Variants in ENPP1 observed in about 807,000 individuals in gnomAD.
ENPP1 encodes the protein ectonucleotide pyrophosphatase/phosphodiesterase family member 1.
ENPP1 carries 73 observed loss-of-function variants against 122.8 expected under a neutral mutation model. The ratio of observed to expected loss-of-function variants is 0.59; its 90% CI spans 0.49 to 0.72. The LOEUF is 0.72. Ranked by LOEUF, ENPP1 falls within the 30% of genes least tolerant of loss-of-function variation. The pLI, the probability that ENPP1 is intolerant of heterozygous loss-of-function variation, is 0.00. For synonymous variants in ENPP1, 367 were observed against 391.6 expected (o/e 0.94, Z 0.74); for missense variants, 978 against 1,128.1 (o/e 0.87, Z 1.91).
intron 11 of ENPP1, 99 bp from the exon 12 acceptor site, chr6:131,867,911 CTTTCTTTG>C (rs1782110482): frequency 2.8e-5 from 22 of 795,598 alleles, no homozygotes; most frequent in Non-Finnish European, 4.0e-5. Flanking sequence ...GTCTTTCTTT[CTTTCTTTG>C]TTTCTTTCTT....
intron 1 of ENPP1, among the ~76,000 whole-genome samples, chr6:131,817,302 G>A (rs1243677130): frequency 2.0e-5 from 3 of 152,198 alleles, no homozygotes; most frequent in African/African-American, 7.2e-5. Flanking sequence ...GCCTGCTTCA[G>A]TATAACAATG....
rs761550283 is a variant in ENPP1, at chr6:131,854,911, T to C, written c.618-15T>C. 23 of 1,589,342 alleles carry C rather than the reference T, an allele frequency of 1.4e-5. No individual in the cohort carries two copies. The South Asian group carries it at 2.5e-4, about 18-fold the overall frequency. On this transcript the variant is annotated splice_polypyrimidine_tract_variant and intron_variant, in intron 5 of 24. Transcript: ENST00000647893. ...TTGCTTCTTTAAACATTTTTTTTTCTTTTTCATTACCCAGGTTTGAAACGC... is the reference window on the plus strand; with the variant it reads ...TTGCTTCTTTAAACATTTTTTTTTCCTTTTCATTACCCAGGTTTGAAACGC...
At chr6:131,863,598 G>A (rs1179038855) in intron 9 of ENPP1, among the ~76,000 whole-genome samples, 2 of 151,980 alleles carry the variant, frequency 1.3e-5, no homozygotes, top group Admixed American at 6.6e-5. Flanking sequence ...ATTTGCCACT[G>A]TTTTTATTCC....
At chr6:131,831,269 C>G (rs1467911948) in intron 1 of ENPP1, among the ~76,000 whole-genome samples, 1 of 151,080 alleles carries the variant, frequency 6.6e-6, no homozygotes, top group Non-Finnish European at 1.5e-5. Context: ...GAGAATAGTT[C>G]TAGATTTACA....
At chr6:131,889,487 G>A (rs990514066) in intron 24 of ENPP1, among the ~76,000 whole-genome samples, 3 of 151,782 alleles carry the variant, frequency 2.0e-5, no homozygotes, top group South Asian at 4.2e-4. Context: ...ATGAGGTTTC[G>A]ATTTTCTGTT....
intron 24 of ENPP1, among the ~76,000 whole-genome samples, chr6:131,887,665 T>C (rs1468385254): frequency 1.3e-5 from 2 of 149,258 alleles, no homozygotes; most frequent in African/African-American, 5.0e-5. Flanking sequence ...CTCACGCCAT[T>C]CTCCTGCCTC....
At chr6:131,870,717 G>A (rs1383511813) in intron 13 of ENPP1, among the ~76,000 whole-genome samples, 1 of 152,106 alleles carries the variant, frequency 6.6e-6, no homozygotes, top group Non-Finnish European at 1.5e-5. Flanking sequence ...CTAATACCAA[G>A]TTTTAATTCG....
At chr6:131,808,769 C>G (rs1378746339) in intron 1 of ENPP1, among the ~76,000 whole-genome samples, 1 of 152,192 alleles carries the variant, frequency 6.6e-6, no homozygotes, top group Middle Eastern at 3.2e-3. Context: ...TTCCCTTTCG[C>G]TCCGTTTTGG....
chr6:131,864,043 G>T (rs1401960642), intron 9 of ENPP1, among the ~76,000 whole-genome samples: 1 of 152,138 alleles, frequency 6.6e-6, no homozygotes, highest in Non-Finnish European at 1.5e-5. Flanking sequence ...CAAGAACTCT[G>T]ATTAGAGGTG....
In ENPP1 at chr6:131,869,374, T is replaced by C. The variant is rs1782129957; in HGVS notation, c.1290T>C (p.Ser430=). The part of the protein sequence containing the change: ...LISDHGMEQG[S]CKKYIYLNKY... ...TTCTCCTAGGCATGGAACAAGGCAG[T>C]TGTAAGAAATACATATATCTGAATA... The change falls in exon 13 of 25, where the codon AGT becomes AGC. Residue 430 remains serine (S), a synonymous_variant. Transcript: ENST00000647893. 1 of 1,613,548 alleles carries C rather than the reference T, an allele frequency of 6.2e-7. No homozygotes were observed. Among genetic ancestry groups the C allele is most frequent in the Non-Finnish European group, 8.5e-7 (1 of 1,179,610 alleles).
At chr6:131,812,565 G>C (rs1004780308) in intron 1 of ENPP1, among the ~76,000 whole-genome samples, 1 of 152,186 alleles carries the variant, frequency 6.6e-6, no homozygotes. Flanking sequence ...ATAGTGAAGA[G>C]TATCACCTTG....
chr6:131,845,697 G>T (rs559885123), intron 1 of ENPP1, among the ~76,000 whole-genome samples: 1 of 152,104 alleles, frequency 6.6e-6, no homozygotes, highest in South Asian at 2.1e-4. Flanking sequence ...GGCCTGAAGT[G>T]ATCCCCCCAC....
chr6:131,847,707 A>G, intron 1 of ENPP1, 69 bp from the exon 2 acceptor site: 1 of 1,158,632 alleles, frequency 8.6e-7, no homozygotes, highest in South Asian at 1.4e-5. Context: ...CACTATCTCT[A>G]AAAATAAAAA....
Position 131,891,360 on chromosome 6 carries a change from T to TGAG in ENPP1, c.*850_*852dup, listed in dbSNP as rs1180867321. On this transcript the variant is annotated 3_prime_UTR_variant, in exon 25 of 25. Coordinates refer to ENST00000647893, the MANE Select transcript of ENPP1 (RefSeq NM_006208.3). ...GTGCATGCAAGGTGCCATTTTTTAT[T>TGAG]GAGATGCTTAGAATGTTTCTTTCTG... 3.3e-5 allele frequency: 5 copies of TGAG among 152,212 alleles called. No homozygotes were observed. Among genetic ancestry groups the TGAG allele is most frequent in the African/African-American group, 9.7e-5 (4 of 41,446 alleles). The allele number at this position is 152,212 out of a possible 1,614,324, so 9.4% of individuals were successfully genotyped here. A position where few individuals can be genotyped will look rare whatever the true frequency, so the allele number is the denominator to read the frequency against.
At chr6:131,841,541 ACT>A (rs934627969) in intron 1 of ENPP1, among the ~76,000 whole-genome samples, 2 of 152,090 alleles carry the variant, frequency 1.3e-5, no homozygotes, top group South Asian at 2.1e-4. Context: ...TAACAAACTG[ACT>A]CTGTCAGCTT....
intron 24 of ENPP1, among the ~76,000 whole-genome samples, chr6:131,889,389 C>G (rs758586892): frequency 2.6e-5 from 4 of 152,026 alleles, no homozygotes; most frequent in African/African-American, 7.2e-5. Flanking sequence ...CCTCCCACCC[C>G]CTGCCCTCCA....
At chr6:131,883,644 C>T (rs1368919226) in intron 21 of ENPP1, 50 bp from the exon 22 acceptor site, 3 of 914,400 alleles carry the variant, frequency 3.3e-6, no homozygotes, top group Non-Finnish European at 5.5e-6. Context: ...ACTATAATTT[C>T]CTATGTTATT....
intron 6 of ENPP1, among the ~76,000 whole-genome samples, chr6:131,856,964 G>A (rs888732851): frequency 1.3e-5 from 2 of 152,006 alleles, no homozygotes; most frequent in African/African-American, 4.8e-5. Context: ...GATTGACTTG[G>A]CGATGCGGGC....
chr6:131,882,348 A>G lies in ENPP1; in HGVS notation c.2104A>G (p.Ser702Gly), dbSNP rs937562659. 2 of 1,600,146 alleles carry G rather than the reference A, an allele frequency of 1.2e-6. No homozygotes were observed. The highest frequency in any genetic ancestry group is 1.3e-5 in the African/African-American group (1 of 74,320). The change falls in exon 21 of 25, where the codon AGT (serine) becomes GGT (glycine). Residue 702 changes from serine (S) to glycine (G), a missense_variant. Transcript: ENST00000647893. Reference sequence around the variant, plus strand: ...TCTTCTCATTTTCGTTCTTCAGGACAGTTTCTCTACGGAAGACTTCTCCAA... The same window carrying G: ...TCTTCTCATTTTCGTTCTTCAGGACGGTTTCTCTACGGAAGACTTCTCCAA... ...WTSYTVDRND[S>G]FSTEDFSNCL...
Sources: allele counts gnomAD v4.1 joint callset (sites outside exome capture counted in the v4.1 genomes callset), GRCh38; gene constraint gnomAD v4.1.1; transcripts MANE v1.5; gene names NCBI Gene and HGNC (gene_info 2026-07-23, HGNC 2026-07-21).